The following GAS1 variants were observed in gnomAD, a reference collection of about 807,000 sequenced individuals.
GAS1 encodes the protein growth arrest specific 1.
A neutral mutation model predicts 21.6 loss-of-function variants in GAS1; 10 were observed. That is an observed-to-expected ratio of 0.46 (90% CI 0.29 to 0.79). The LOEUF (loss-of-function observed/expected upper bound fraction) is 0.79. GAS1 is among the 30% of genes least tolerant of loss of function. The probability of loss-of-function intolerance (pLI) is 0.10; values close to 1 mark genes in which losing one functional copy is unlikely to be tolerated. For missense variants in GAS1, 567 were observed against 544.3 expected, an observed-to-expected ratio of 1.04 and a Z score of -0.42; for synonymous variants, 332 against 264.0, an observed-to-expected ratio of 1.26 and a Z score of -2.50.
At position 86,944,929 on chromosome 9, in the gene GAS1, C is replaced by T. The variant is rs1049425809; in HGVS notation, c.*813G>A. The T allele has an allele frequency of 2.6e-5, 4 of 152,038 alleles. No individual in the cohort carries two copies. Among genetic ancestry groups the T allele is most frequent in the African/African-American group, 9.7e-5 (4 of 41,380 alleles). The allele number at this position is 152,038 out of a possible 1,614,324, so 9.4% of individuals were successfully genotyped here. On this transcript the variant is annotated 3_prime_UTR_variant, in exon 1 of 1. Transcript: ENST00000298743. ...AGAACAAAAATGACAAAAAAACAAA[C>T]ATCATAAAGAGACTTTCATACATGG...
chr9:86,945,915 C>G lies in GAS1; in HGVS notation c.865G>C (p.Gly289Arg). ...CCCGGGCGCGGTGGGTGCGGGACGC[C>G]GTCGTCGTCGTCCAGCGGCTGCTCA... Reference protein sequence around the residue: ...GGEQPLDDDDGVPHPPRPGSG... With the variant: ...GGEQPLDDDDRVPHPPRPGSG... Residue 289 changes from glycine to arginine, a missense_variant, in exon 1 of 1, where the codon GGC (glycine) becomes CGC (arginine). Physicochemically the swap from Gly to Arg is moderately radical, Grantham distance 125. Coordinates refer to ENST00000298743, the MANE Select transcript of GAS1 (RefSeq NM_002048.3). 6.4e-7 allele frequency: 1 copy of G among 1,559,652 alleles called. No individual in the cohort carries two copies. Among genetic ancestry groups the G allele is most frequent in the Non-Finnish European group, 8.7e-7 (1 of 1,155,958 alleles).
At position 86,945,822 on chromosome 9, in the gene GAS1, C is replaced by A. The variant is rs969219103; in HGVS notation, c.958G>T (p.Gly320Cys). ...PYGPGRRSSG[G>C]GGRLAPRGAW... The stretch of plus-strand genomic sequence containing the variant: ...CCCCGGGGCGCCAAGCGGCCGCCGC[C>A]GCCGCTGCTCCTGCGCCCAGGCCCA... The change falls in exon 1 of 1, where the codon GGC (glycine) becomes TGC (cysteine). Residue 320 changes from glycine to cysteine, a missense_variant. By Grantham distance (159) the Gly-to-Cys change is radical (BLOSUM62 -3). Coordinates refer to ENST00000298743, the MANE Select transcript of GAS1 (RefSeq NM_002048.3). 233 of 1,513,888 alleles carry A rather than the reference C, an allele frequency of 1.5e-4. No individual in the cohort carries two copies. The African/African-American group carries it at 2.7e-3, about 17-fold the overall frequency. The allele number at this position is 1,513,888 out of a possible 1,614,324, so 93.8% of individuals were successfully genotyped here.
Position 86,944,642 on chromosome 9 carries a change from C to G in GAS1, c.*1100G>C, listed in dbSNP as rs11795098. The G allele has an allele frequency of 6.6e-6, 1 of 151,994 alleles. No individual in the cohort carries two copies. The highest frequency in any genetic ancestry group is 1.5e-5 in the Non-Finnish European group (1 of 68,010). 9.4% of individuals were successfully genotyped at this position (151,994 alleles called of 1,614,324 possible). A position where few individuals can be genotyped will look rare whatever the true frequency, so the allele number is the denominator to read the frequency against. On this transcript the variant is annotated 3_prime_UTR_variant, in exon 1 of 1. Transcript: ENST00000298743. Reference sequence around the variant, plus strand: ...TCACAATGGACTGTGGGTTTTGATTCCTGATGACAAATGGATTCTATACAT... The same window carrying G: ...TCACAATGGACTGTGGGTTTTGATTGCTGATGACAAATGGATTCTATACAT...
Position 86,946,130 on chromosome 9 carries a change from G to A in GAS1, c.650C>T (p.Ala217Val), listed in dbSNP as rs1342809719. 9 of 1,608,852 alleles carry A rather than the reference G, an allele frequency of 5.6e-6. No homozygotes were observed. The highest frequency in any genetic ancestry group is 6.8e-6 in the Non-Finnish European group (8 of 1,179,684). The change falls in exon 1 of 1, where the codon GCG becomes GTG. Residue 217 changes from alanine to valine, a missense_variant. Physicochemically the swap from Ala to Val is moderately conservative, Grantham distance 64. Coordinates refer to ENST00000298743, the MANE Select transcript of GAS1 (RefSeq NM_002048.3). This position sits in a 1 kb window ranked among gnomAD's most constrained non-coding sequence, Gnocchi z 5.2. ...IEDMLAMPKAALLNDCVCDGL... is the reference protein window; with the variant it reads ...IEDMLAMPKAVLLNDCVCDGL... Reference sequence around the variant, plus strand: ...GTCGCACACGCAGTCGTTGAGCAGCGCCGCCTTGGGCATAGCCAGCATGTC... The same window carrying A: ...GTCGCACACGCAGTCGTTGAGCAGCACCGCCTTGGGCATAGCCAGCATGTC...
At position 86,945,844 on chromosome 9, in the gene GAS1, C is replaced by A; in HGVS notation, c.936G>T (p.Gly312=). The A allele has an allele frequency of 6.6e-7, 1 of 1,505,820 alleles. No homozygotes were observed. Among genetic ancestry groups the A allele is most frequent in the Non-Finnish European group, 8.8e-7 (1 of 1,131,132 alleles). 93.3% of individuals were successfully genotyped at this position (1,505,820 alleles called of 1,614,324 possible). ...ASGGRGDLPY[G]PGRRSSGGGG... ...CGCCGCCGCTGCTCCTGCGCCCAGGCCCATAGGGCAGGTCCCCGCGGCCGC... is the reference window on the plus strand; with the variant it reads ...CGCCGCCGCTGCTCCTGCGCCCAGGACCATAGGGCAGGTCCCCGCGGCCGC... The change falls in exon 1 of 1, where the codon GGG becomes GGT. Residue 312 remains glycine (G), a synonymous_variant. Transcript: ENST00000298743.
In GAS1 at chr9:86,945,866, C is replaced by G. The variant is rs2118605947; in HGVS notation, c.914G>C (p.Gly305Ala). ...RPGSGAAASG[G>A]RGDLPYGPGR... is the part of the protein sequence containing the mutation. ...AGGCCCATAGGGCAGGTCCCCGCGG[C>G]CGCCCGATGCAGCAGCGCCGCTGCC... Residue 305 changes from glycine (G) to alanine (A), a missense_variant, in exon 1 of 1, where the codon GGC (glycine) becomes GCC (alanine). Gly to Ala is a moderately conservative substitution (Grantham distance 60). Transcript: ENST00000298743. The G allele has an allele frequency of 6.8e-7, 1 of 1,476,914 alleles. No individual in the cohort carries two copies. Among genetic ancestry groups the G allele is most frequent in the East Asian group, 2.7e-5 (1 of 37,474 alleles). The allele number at this position is 1,476,914 out of a possible 1,614,324, so 91.5% of individuals were successfully genotyped here.
In GAS1 at chr9:86,944,829, G is replaced by C. The variant is rs926828301; in HGVS notation, c.*913C>G. On this transcript the variant is annotated 3_prime_UTR_variant, in exon 1 of 1. Transcript: ENST00000298743. ...AATACATTTTATATACGATGTACCA[G>C]GGTTTAGCAACCCTGATAGGAGCAG... is the stretch of plus-strand genomic sequence containing the variant. 1 of 152,088 alleles carries C rather than the reference G, an allele frequency of 6.6e-6. No homozygotes were observed. The highest frequency in any genetic ancestry group is 1.5e-5 in the Non-Finnish European group (1 of 68,028). 9.4% of individuals were successfully genotyped at this position (152,088 alleles called of 1,614,324 possible).
At position 86,945,861 on chromosome 9, in the gene GAS1, C is replaced by T. The variant is rs1039928712; in HGVS notation, c.919G>A (p.Gly307Arg). ...CGCCCAGGCCCATAGGGCAGGTCCC[C>T]GCGGCCGCCCGATGCAGCAGCGCCG... Reference protein sequence around the residue: ...GSGAAASGGRGDLPYGPGRRS... With the variant: ...GSGAAASGGRRDLPYGPGRRS... The change falls in exon 1 of 1, where the codon GGG becomes AGG. Residue 307 changes from glycine (G) to arginine (R), a missense_variant. Gly to Arg is a moderately radical substitution (Grantham distance 125, BLOSUM62 -2). Transcript: ENST00000298743. The T allele has an allele frequency of 6.8e-7, 1 of 1,478,086 alleles. No homozygotes were observed. Among genetic ancestry groups the T allele is most frequent in the African/African-American group, 1.5e-5 (1 of 67,516 alleles). The allele number at this position is 1,478,086 out of a possible 1,614,324, so 91.6% of individuals were successfully genotyped here. A position where few individuals can be genotyped will look rare whatever the true frequency, so the allele number is the denominator to read the frequency against.
At position 86,947,125 on chromosome 9, in the gene GAS1, G is replaced by T; in HGVS notation, c.-346C>A. 5.5e-6 allele frequency: 1 copy of T among 180,820 alleles called. No individual in the cohort carries two copies. The allele number at this position is 180,820 out of a possible 1,614,324, so 11.2% of individuals were successfully genotyped here. On this transcript the variant is annotated 5_prime_UTR_variant, in exon 1 of 1. Coordinates refer to ENST00000298743, the MANE Select transcript of GAS1 (RefSeq NM_002048.3). ...CGGGGCTGCAGGACCGCGCGGCGCG[G>T]CGGGTGCATTTTGCTCCGCGCCTGC...
Position 86,945,817 on chromosome 9 carries a change from G to A in GAS1, c.963C>T (p.Gly321=), listed in dbSNP as rs1434024987. 3 of 1,514,224 alleles carry A rather than the reference G, an allele frequency of 2.0e-6. No individual in the cohort carries two copies. The highest frequency in any genetic ancestry group is 1.5e-5 in the African/African-American group (1 of 68,850). 93.8% of individuals were successfully genotyped at this position (1,514,224 alleles called of 1,614,324 possible). A position where few individuals can be genotyped will look rare whatever the true frequency, so the allele number is the denominator to read the frequency against. Residue 321 remains glycine, a synonymous_variant, in exon 1 of 1, where the codon GGC becomes GGT. Coordinates refer to ENST00000298743, the MANE Select transcript of GAS1 (RefSeq NM_002048.3). ...YGPGRRSSGG[G]GRLAPRGAWT... ...AGGCGCCCCGGGGCGCCAAGCGGCC[G>A]CCGCCGCCGCTGCTCCTGCGCCCAG... is the stretch of plus-strand genomic sequence containing the variant.
Position 86,946,223 on chromosome 9 carries a change from T to C in GAS1, c.557A>G (p.Tyr186Cys), listed in dbSNP as rs758112692. Residue 186 changes from tyrosine to cysteine, a missense_variant, in exon 1 of 1, where the codon TAC (tyrosine) becomes TGC (cysteine). Coordinates refer to ENST00000298743, the MANE Select transcript of GAS1 (RefSeq NM_002048.3). The surrounding 1 kb of genome is among the most constrained non-coding windows in gnomAD (Gnocchi z 5.2). ...GAAGACTTTGCCGCAGTAGGTCAGG[T>C]AGCGGCTCAGCGCCAGGTTGCAGCG... The part of the protein sequence containing the change: ...DSRCNLALSR[Y>C]LTYCGKVFNG... The C allele has an allele frequency of 6.3e-7, 1 of 1,595,364 alleles. No homozygotes were observed.
Position 86,945,590 on chromosome 9 carries a change from G to C in GAS1, c.*152C>G, listed in dbSNP as rs1276106648. The C allele has an allele frequency of 4.5e-6, 3 of 664,554 alleles. No homozygotes were observed. The highest frequency in any genetic ancestry group is 4.4e-6 in the Non-Finnish European group (2 of 457,656). The allele number at this position is 664,554 out of a possible 1,614,324, so 41.2% of individuals were successfully genotyped here. ...TGCCCAGAGTCGTGGCCGGGGAACC[G>C]GCTACACCAAGTTGACTTGGAAAAA... On this transcript the variant is annotated 3_prime_UTR_variant, in exon 1 of 1. Transcript: ENST00000298743.
At position 86,947,016 on chromosome 9, in the gene GAS1, A is replaced by C; in HGVS notation, c.-237T>G. 7.0e-6 allele frequency: 2 copies of C among 286,336 alleles called. No homozygotes were observed. Among genetic ancestry groups the C allele is most frequent in the Non-Finnish European group, 1.4e-5 (2 of 146,774 alleles). 17.7% of individuals were successfully genotyped at this position (286,336 alleles called of 1,614,324 possible). On this transcript the variant is annotated 5_prime_UTR_variant, in exon 1 of 1. Coordinates refer to ENST00000298743, the MANE Select transcript of GAS1 (RefSeq NM_002048.3). ...TGTCGAGATCTGGTCCCGCTCTCCC[A>C]CCCGAGAGCCCTCCGCTCGGCCCCC...
Position 86,946,774 on chromosome 9 carries a change from C to T in GAS1, c.6G>A (p.Val2=). M[V]AALLGGGGEA... ...CGCCGCCGCCGCCCAGCAGCGCGGC[C>T]ACCATCGCGGGCAGCGGCGGCCGCC... The change falls in exon 1 of 1, where the codon GTG becomes GTA. Residue 2 remains valine, a synonymous_variant. Transcript: ENST00000298743. This position sits in a 1 kb window ranked among gnomAD's most constrained non-coding sequence, Gnocchi z 5.2. The T allele has an allele frequency of 3.8e-6, 4 of 1,056,416 alleles. No individual in the cohort carries two copies. Among genetic ancestry groups the T allele is most frequent in the Non-Finnish European group, 5.0e-6 (4 of 794,586 alleles). The allele number at this position is 1,056,416 out of a possible 1,614,324, so 65.4% of individuals were successfully genotyped here. A position where few individuals can be genotyped will look rare whatever the true frequency, so the allele number is the denominator to read the frequency against.
At position 86,945,522 on chromosome 9, in the gene GAS1, G is replaced by A; in HGVS notation, c.*220C>T. ...GGAGCTTGGAATTGGGGCGGGGGAGGAGGTCCAAGAAGTCAAGCTCCGGAG... is the reference window on the plus strand; with the variant it reads ...GGAGCTTGGAATTGGGGCGGGGGAGAAGGTCCAAGAAGTCAAGCTCCGGAG... On this transcript the variant is annotated 3_prime_UTR_variant, in exon 1 of 1. Coordinates refer to ENST00000298743, the MANE Select transcript of GAS1 (RefSeq NM_002048.3). The A allele has an allele frequency of 2.4e-6, 1 of 412,642 alleles. No homozygotes were observed. The highest frequency in any genetic ancestry group is 4.2e-6 in the Non-Finnish European group (1 of 236,566). 25.6% of individuals were successfully genotyped at this position (412,642 alleles called of 1,614,324 possible).
Position 86,946,151 on chromosome 9 carries a change from A to G in GAS1, c.629T>C (p.Met210Thr). The change falls in exon 1 of 1, where the codon ATG becomes ACG. Residue 210 changes from methionine (M) to threonine (T), a missense_variant. Coordinates refer to ENST00000298743, the MANE Select transcript of GAS1 (RefSeq NM_002048.3). The surrounding 1 kb of genome is among the most constrained non-coding windows in gnomAD (Gnocchi z 5.2). ...CAGCGCCGCCTTGGGCATAGCCAGC[A>G]TGTCCTCAATGACGGTGCGGCATTC... ...TDECRTVIED[M>T]LAMPKAALLN... 2.5e-6 allele frequency: 4 copies of G among 1,608,794 alleles called. No homozygotes were observed. Among genetic ancestry groups the G allele is most frequent in the Non-Finnish European group, 3.4e-6 (4 of 1,179,652 alleles).
At position 86,945,432 on chromosome 9, in the gene GAS1, C is replaced by A; in HGVS notation, c.*310G>T. The A allele has an allele frequency of 3.7e-6, 1 of 271,456 alleles. No individual in the cohort carries two copies. Among genetic ancestry groups the A allele is most frequent in the Non-Finnish European group, 6.8e-6 (1 of 146,598 alleles). 16.8% of individuals were successfully genotyped at this position (271,456 alleles called of 1,614,324 possible). The stretch of plus-strand genomic sequence containing the variant: ...TACTGTTCTGTCCCCCACATGCTTG[C>A]TTCCTCCCGGACGTCCTGAACACTG... On this transcript the variant is annotated 3_prime_UTR_variant, in exon 1 of 1. Transcript: ENST00000298743.
In GAS1 at chr9:86,944,770, C is replaced by T. The variant is rs1447953448; in HGVS notation, c.*972G>A. On this transcript the variant is annotated 3_prime_UTR_variant, in exon 1 of 1. Coordinates refer to ENST00000298743, the MANE Select transcript of GAS1 (RefSeq NM_002048.3). Reference sequence around the variant, plus strand: ...ATACAATTTATAAAAATTCTATATACAAAGTACAGCAACTGGTAACAAACC... The same window carrying T: ...ATACAATTTATAAAAATTCTATATATAAAGTACAGCAACTGGTAACAAACC... The T allele has an allele frequency of 6.6e-6, 1 of 152,096 alleles. No individual in the cohort carries two copies. Among genetic ancestry groups the T allele is most frequent in the Non-Finnish European group, 1.5e-5 (1 of 68,012 alleles). The allele number at this position is 152,096 out of a possible 1,614,324, so 9.4% of individuals were successfully genotyped here. A position where few individuals can be genotyped will look rare whatever the true frequency, so the allele number is the denominator to read the frequency against.
Position 86,945,674 on chromosome 9 carries a change from G to A in GAS1, c.*68C>T, listed in dbSNP as rs1825471838. 2 of 1,405,682 alleles carry A rather than the reference G, an allele frequency of 1.4e-6. No individual in the cohort carries two copies. The highest frequency in any genetic ancestry group is 2.5e-4 in the Middle Eastern group (1 of 3,932). The allele number at this position is 1,405,682 out of a possible 1,614,324, so 87.1% of individuals were successfully genotyped here. On this transcript the variant is annotated 3_prime_UTR_variant, in exon 1 of 1. Coordinates refer to ENST00000298743, the MANE Select transcript of GAS1 (RefSeq NM_002048.3). ...CTGTCCCAAGCCACAGGTGCCCGGC[G>A]CGGGGTCGAGGCGAGCACGGGAGTG... is the stretch of plus-strand genomic sequence containing the variant.
Sources: gnomAD v4.1 joint callset for allele counts on GRCh38, gnomAD v4.1.1 for gene constraint, Gnocchi (gnomAD v3.1) non-coding constraint, MANE v1.5 for transcripts, NCBI Gene and HGNC (gene_info 2026-07-23, HGNC 2026-07-21) for gene names.